The following FGF13 variants were observed in gnomAD, a reference collection of about 807,000 sequenced individuals.
FGF13 encodes fibroblast growth factor homologous factor 2.
A neutral mutation model predicts 19.5 loss-of-function variants in FGF13; 2 were observed. The ratio of observed to expected loss-of-function variants is 0.10; its 90% confidence interval spans 0.04 to 0.32. The LOEUF is 0.32. Ranked by LOEUF, FGF13 falls within the 10% of genes least tolerant of loss-of-function variation. The pLI, the probability that FGF13 is intolerant of heterozygous loss-of-function variation, is 1.00. For synonymous variants in FGF13, 72 were observed against 76.9 expected, an observed-to-expected ratio of 0.94 and a Z score of 0.33; for missense variants, 113 against 192.7, an observed-to-expected ratio of 0.59 and a Z score of 2.45.
intron 3 of FGF13, among the ~76,000 whole-genome samples, chrX:138,800,025 C>T (rs1001200801): frequency 9.0e-6 from 1 of 111,668 alleles, no homozygotes; most frequent in Non-Finnish European, 1.9e-5. Context: ...GACTCTTTAT[C>T]CAATTTGCGA....
chrX:138,867,478 T>C (rs2091333170), intron 1 of FGF13, among the ~76,000 whole-genome samples: 1 of 110,618 alleles, frequency 9.0e-6, no homozygotes, highest in African/African-American at 3.3e-5. Context: ...GGAGGTTTAA[T>C]GGACTCACAG....
chrX:138,918,143 T>C (rs2091627325), intron 1 of FGF13, among the ~76,000 whole-genome samples: 1 of 90,509 alleles, frequency 1.1e-5, no homozygotes, highest in African/African-American at 4.1e-5. Flanking sequence ...GACACAATTC[T>C]CTGCTTCTTT....
intron 1 of FGF13, among the ~76,000 whole-genome samples, chrX:138,913,756 C>G (rs1049197968): frequency 4.6e-5 from 5 of 109,864 alleles, no homozygotes; most frequent in Admixed American, 1.9e-4. Context: ...AATCTTAGAA[C>G]ATAATAATAT....
At chrX:139,065,481 C>CAAAAAAAA (rs767805587) in intron 1 of FGF13, among the ~76,000 whole-genome samples, 42 of 30,588 alleles carry the variant, frequency 1.4e-3, no homozygotes, top group Admixed American at 1.7e-3. Flanking sequence ...AAACGGAAAG[C>CAAAAAAAA]AAAAAAAAAA....
chrX:138,999,111 G>C (rs1603112229), intron 1 of FGF13, among the ~76,000 whole-genome samples: 1 of 112,085 alleles, frequency 8.9e-6, no homozygotes, highest in Non-Finnish European at 1.9e-5. Flanking sequence ...AATGAAGACA[G>C]AAGTAAAGAT....
Position 138,625,982 on chromosome X carries a change from T to C in FGF13, c.*6868A>G, listed in dbSNP as rs2089060379. 1 of 111,427 alleles carries C rather than the reference T, an allele frequency of 9.0e-6. No individual in the cohort carries two copies. The highest frequency in any genetic ancestry group is 3.3e-5 in the African/African-American group (1 of 30,633). 9.2% of individuals were successfully genotyped at this position (111,427 alleles called of 1,213,427 possible). On this transcript the variant is annotated 3_prime_UTR_variant, in exon 5 of 5. Coordinates refer to ENST00000315930, the MANE Select transcript of FGF13 (RefSeq NM_004114.5). ...TTGTTCAACAGACGAAAAGGAGGAA[T>C]TAGTAGGGCAATCTTCTATAGCCTA...
At chrX:139,136,551 A>G (rs1197846538) in intron 1 of FGF13, among the ~76,000 whole-genome samples, 1 of 112,075 alleles carries the variant, frequency 8.9e-6, no homozygotes, top group East Asian at 2.8e-4. Context: ...ACTCACAACT[A>G]TAATTTATTA....
chrX:138,699,051 CCT>C (rs2089922490), intron 3 of FGF13, among the ~76,000 whole-genome samples: 1 of 111,732 alleles, frequency 8.9e-6, no homozygotes, highest in African/African-American at 3.3e-5. Flanking sequence ...TGTTCCCACC[CCT>C]GTTTACCTGT....
chrX:138,780,714 T>C (rs1315110163), intron 3 of FGF13, among the ~76,000 whole-genome samples: 1 of 108,367 alleles, frequency 9.2e-6, no homozygotes, highest in Non-Finnish European at 1.9e-5. Context: ...ACATTAGTAA[T>C]GGGAGACTTT....
At chrX:138,671,980 A>G (rs2089618333) in intron 3 of FGF13, among the ~76,000 whole-genome samples, 1 of 107,734 alleles carries the variant, frequency 9.3e-6, no homozygotes, top group Admixed American at 1.0e-4. Context: ...AATCTGGGAA[A>G]GAGCAGTCCA....
chrX:138,843,851 C>G (rs1602946656), intron 3 of FGF13, among the ~76,000 whole-genome samples: 1 of 111,660 alleles, frequency 9.0e-6, no homozygotes, highest in African/African-American at 3.2e-5. Flanking sequence ...AAGGAAGTAG[C>G]ATTTGACCTT....
chrX:138,737,406 T>C (rs2090286295), intron 1 of FGF13, among the ~76,000 whole-genome samples: 1 of 112,064 alleles, frequency 8.9e-6, no homozygotes, highest in African/African-American at 3.2e-5. Flanking sequence ...TATCAGATAT[T>C]TTAATATTTC....
chrX:138,638,706 T>C (rs776057859), intron 3 of FGF13, among the ~76,000 whole-genome samples: 3 of 112,262 alleles, frequency 2.7e-5, no homozygotes, highest in African/African-American at 9.7e-5. Context: ...CTCAGAATTA[T>C]CAACTAGTAA....
chrX:139,191,050 A>G (rs1386924420), intron 1 of FGF13, among the ~76,000 whole-genome samples: 1 of 112,264 alleles, frequency 8.9e-6, no homozygotes, highest in Non-Finnish European at 1.9e-5. Flanking sequence ...TTGTATATAT[A>G]GTTTTTATAA....
intron 1 of FGF13, among the ~76,000 whole-genome samples, chrX:139,053,134 T>C (rs751050845): frequency 8.1e-5 from 9 of 111,005 alleles, no homozygotes; most frequent in Non-Finnish European, 1.3e-4. Context: ...GTTACTTTAC[T>C]TAAGTCTCCA....
At chrX:138,883,130 G>A (rs141662688) in intron 1 of FGF13, among the ~76,000 whole-genome samples, 1,758 of 112,307 alleles carry the variant, frequency 0.016, 7 homozygotes, top group Non-Finnish European at 0.023. Flanking sequence ...CAACAAAGAA[G>A]TTTTCTGCTG....
intron 3 of FGF13, among the ~76,000 whole-genome samples, chrX:138,839,233 A>G (rs1352850728): frequency 1.8e-5 from 2 of 111,081 alleles, no homozygotes; most frequent in Non-Finnish European, 3.8e-5. Flanking sequence ...AGCCCTCACT[A>G]GATGTGGCCT....
rs745578582 is a variant in FGF13 at position 138,823,330 on chromosome X, TCA to T, written c.217+34180_217+34181del. On this transcript the variant is annotated intron_variant, in intron 3 of 6. Transcript: ENST00000436198. ...CATGATAGGGTGGGGCCACAGAAGT[TCA>T]CAGTTTGCAGCAGGGAGGAGCCTGG... Among the ~76,000 whole-genome samples the T allele has an allele frequency of 3.2e-3, 361 of 111,450 alleles. 1 individual carries two copies. Among genetic ancestry groups the T allele is most frequent in the Non-Finnish European group, 5.0e-3 (265 of 52,960 alleles).
chrX:139,123,927 C>A (rs900187768), intron 1 of FGF13, among the ~76,000 whole-genome samples: 5 of 112,486 alleles, frequency 4.4e-5, no homozygotes, highest in Non-Finnish European at 9.4e-5. Context: ...CCTAGCCAAA[C>A]AATCCTCCTT....
Sources: gnomAD v4.1 joint callset for allele counts (sites outside exome capture counted in the v4.1 genomes callset) on GRCh38, gnomAD v4.1.1 for gene constraint, MANE v1.5 for transcripts, NCBI Gene and HGNC (gene_info 2026-07-23, HGNC 2026-07-21) for gene names.